CMC2: variants seen among roughly 807,000 people sequenced by gnomAD.
CMC2 encodes the protein COX assembly mitochondrial protein 2 homolog.
A neutral mutation model predicts 7.5 loss-of-function variants in CMC2; 5 were observed. The ratio of observed to expected loss-of-function variants is 0.66; its 90% CI spans 0.35 to 1.40. CMC2 has a LOEUF of 1.40. CMC2 is among the 40% of genes most tolerant of loss of function. The pLI is 0.04. For synonymous variants in CMC2, 37 were observed against 31.4 expected (o/e 1.18, Z -0.60); for missense variants, 115 against 92.3 (o/e 1.25, Z -1.01).
Position 80,997,346 on chromosome 16 carries a change from A to T in CMC2, c.49T>A (p.Leu17Met). The T allele has an allele frequency of 6.2e-7, 1 of 1,609,212 alleles. No homozygotes were observed. ...TGACATTCCTTAAGCAAGTTAATCA[A>T]GACGTTGCATTCTTCAGTGTGCAAG... ...PHLHTEECNVLINLLKECHKN... is the reference protein window; with the variant it reads ...PHLHTEECNVMINLLKECHKN... The change falls in exon 2 of 4, where the codon TTG becomes ATG. Residue 17 changes from leucine to methionine, a missense_variant. Transcript: ENST00000219400.
intron 1 of CMC2, among the ~76,000 whole-genome samples, chr16:81,004,200 T>C (rs1202553398): frequency 6.6e-6 from 1 of 150,600 alleles, no homozygotes; most frequent in Non-Finnish European, 1.5e-5. Context: ...TCTAGCCTGG[T>C]CGAAAGAGTG....
At chr16:80,986,683 T>C (rs1360383878) in intron 2 of CMC2, among the ~76,000 whole-genome samples, 4 of 152,292 alleles carry the variant, frequency 2.6e-5, no homozygotes, top group Admixed American at 6.5e-5. Flanking sequence ...ACAGCCCTGG[T>C]AAGGACTCAC....
chr16:80,978,215 G>C (rs910267586), intron 3 of CMC2: 8 of 1,005,090 alleles, frequency 8.0e-6, no homozygotes, highest in Non-Finnish European at 8.4e-6. Context: ...AAGGATACCT[G>C]CTCTGAGAAA....
Position 80,992,566 on chromosome 16 carries a change from T to C in CMC2, c.81+4748A>G, listed in dbSNP as rs35555542. Among the ~76,000 whole-genome samples the C allele has an allele frequency of 1.9e-3, 295 of 152,276 alleles. 1 individual carries two copies. The highest frequency in any genetic ancestry group is 3.2e-3 in the Non-Finnish European group (220 of 68,030). ...TGCAGATAAGTAATGGTATGTTCAG[T>C]ATATTTAATTTGTATTTCTCTAATT... On this transcript the variant is annotated intron_variant, in intron 2 of 3. Transcript: ENST00000219400.
At chr16:80,988,955 G>T (rs951060743) in intron 2 of CMC2, among the ~76,000 whole-genome samples, 6 of 152,100 alleles carry the variant, frequency 3.9e-5, no homozygotes, top group African/African-American at 1.4e-4. Flanking sequence ...TTTGTCTGGT[G>T]TTTCTTCACA....
In CMC2 at chr16:80,976,134, G is replaced by T; in HGVS notation, c.199C>A (p.Arg67=). Residue 67 remains arginine, a synonymous_variant, in exon 4 of 4, where the codon CGA becomes AGA. Transcript: ENST00000219400. ...TCTGGAGGATTAAAAAGTTTCTTTC[G>T]CATTGCAATGCCATGCTCCCTGCTC... ...TKSREHGIAM[R]KKLFNPPEES... is the part of the protein sequence containing the mutation. The T allele has an allele frequency of 1.9e-6, 3 of 1,609,152 alleles. No homozygotes were observed. The highest frequency in any genetic ancestry group is 1.7e-6 in the Non-Finnish European group (2 of 1,176,086).
rs1382581963 is a variant in CMC2 at position 80,971,401 on chromosome 16, G to A, written c.*4692C>T. On this transcript the variant is annotated 3_prime_UTR_variant, in exon 4 of 4. Transcript: ENST00000219400. ...TAGGCCTACAACAAAATGCTATATA[G>A]CAGGCAAAACAAATAAACAAGAACC... The A allele has an allele frequency of 1.3e-5, 2 of 150,444 alleles. No homozygotes were observed. The highest frequency in any genetic ancestry group is 1.3e-4 in the Admixed American group (2 of 15,110). The allele number at this position is 150,444 out of a possible 1,614,324, so 9.3% of individuals were successfully genotyped here.
intron 1 of CMC2, among the ~76,000 whole-genome samples, chr16:81,005,250 G>A (rs1038672539): frequency 6.6e-6 from 1 of 152,052 alleles, no homozygotes; most frequent in Non-Finnish European, 1.5e-5. Context: ...GTGAATCCCC[G>A]TCTCTACTAA....
chr16:80,976,325 A>G, intron 3 of CMC2, 146 bp from the exon 4 acceptor site: 1 of 572,880 alleles, frequency 1.7e-6, no homozygotes, highest in Non-Finnish European at 3.1e-6. Flanking sequence ...CTTACTGACA[A>G]AATTCTTATC....
intron 2 of CMC2, among the ~76,000 whole-genome samples, chr16:80,987,746 G>C (rs1261928572): frequency 6.6e-6 from 1 of 152,168 alleles, no homozygotes; most frequent in Admixed American, 6.5e-5. Context: ...AAGCAGGTTG[G>C]AGAGCACTGC....
In CMC2 at chr16:80,967,773, A is replaced by G. The variant is rs1911656151; in HGVS notation, c.*8320T>C. On this transcript the variant is annotated 3_prime_UTR_variant, in exon 4 of 4. Coordinates refer to ENST00000219400, the MANE Select transcript of CMC2 (RefSeq NM_020188.5). ...TAGCCAGGTCTAAATTTCTGTATGCAGAATTGCAGAATGCTTTACTTTCTT... is the reference window on the plus strand; with the variant it reads ...TAGCCAGGTCTAAATTTCTGTATGCGGAATTGCAGAATGCTTTACTTTCTT... The G allele has an allele frequency of 6.6e-6, 1 of 152,250 alleles. No individual in the cohort carries two copies. The highest frequency in any genetic ancestry group is 1.5e-5 in the Non-Finnish European group (1 of 68,028). 9.4% of individuals were successfully genotyped at this position (152,250 alleles called of 1,614,324 possible).
In CMC2 at chr16:80,976,079, AGTGAAAATACAATTTATTT is replaced by A; in HGVS notation, c.235_*13del. 1 of 1,489,718 alleles carries A rather than the reference AGTGAAAATACAATTTATTT, an allele frequency of 6.7e-7. No homozygotes were observed. Among genetic ancestry groups the A allele is most frequent in the Non-Finnish European group, 9.4e-7 (1 of 1,067,504 alleles). 92.3% of individuals were successfully genotyped at this position (1,489,718 alleles called of 1,614,324 possible). On this transcript the variant is annotated stop_lost and 3_prime_UTR_variant, in exon 4 of 4. Coordinates refer to ENST00000219400, the MANE Select transcript of CMC2 (RefSeq NM_020188.5). ...AGGTCTTCTCTCAGCCAAGGCATCG[AGTGAAAATACAATTTATTT>A]TTCGGATTCCTCTGGAGGATTAAAA...
chr16:80,999,627 A>C (rs1968704066), intron 1 of CMC2, among the ~76,000 whole-genome samples: 1 of 152,248 alleles, frequency 6.6e-6, no homozygotes, highest in South Asian at 2.1e-4. Context: ...AAGCAAAAAG[A>C]ACAAAAACCA....
chr16:81,001,679 TA>T (rs974733574), intron 1 of CMC2, among the ~76,000 whole-genome samples: 4 of 151,334 alleles, frequency 2.6e-5, no homozygotes, highest in Admixed American at 2.0e-4. Flanking sequence ...CTCAAGCTGT[TA>T]AAAAAAAACC....
chr16:80,974,716 T>G lies in CMC2; in HGVS notation c.*1377A>C, dbSNP rs542732276. 6.6e-6 allele frequency: 1 copy of G among 152,356 alleles called. No homozygotes were observed. The allele number at this position is 152,356 out of a possible 1,614,324, so 9.4% of individuals were successfully genotyped here. On this transcript the variant is annotated 3_prime_UTR_variant, in exon 4 of 4. Transcript: ENST00000219400. ...TTACAGGTGACTAAAAGTCAACTTT[T>G]CAGTTAACTACAAGATTCTAAAGGC...
At chr16:80,993,469 T>C (rs944178452) in intron 2 of CMC2, among the ~76,000 whole-genome samples, 2 of 152,212 alleles carry the variant, frequency 1.3e-5, no homozygotes, top group African/African-American at 2.4e-5. Flanking sequence ...GAAATCTACA[T>C]GGAGCTGCCT....
intron 3 of CMC2, among the ~76,000 whole-genome samples, chr16:80,981,444 T>C (rs553132021): frequency 3.9e-5 from 6 of 152,190 alleles, no homozygotes; most frequent in Non-Finnish European, 8.8e-5. Context: ...AATTTATATA[T>C]AGAAATTGAG....
intron 1 of CMC2, chr16:80,998,413 T>C (rs563006895): frequency 6.6e-6 from 1 of 152,220 alleles, no homozygotes; most frequent in East Asian, 1.9e-4. Flanking sequence ...CTGAAACTCC[T>C]GCGCACTGTG....
chr16:81,006,114 T>A (rs975296174), intron 1 of CMC2, among the ~76,000 whole-genome samples: 9 of 152,168 alleles, frequency 5.9e-5, no homozygotes, highest in African/African-American at 2.2e-4. Flanking sequence ...CTTCCAAAAC[T>A]GATTTACTTA....
Sources: allele counts gnomAD v4.1 joint callset (sites outside exome capture counted in the v4.1 genomes callset), GRCh38; gene constraint gnomAD v4.1.1; transcripts MANE v1.5; gene names NCBI Gene and HGNC (gene_info 2026-07-23, HGNC 2026-07-21).